PCDHGB4: variants seen among roughly 807,000 people sequenced by gnomAD.
PCDHGB4 encodes protocadherin gamma subfamily B, 4.
PCDHGB4 carries 38 observed loss-of-function variants against 60.5 expected under a neutral mutation model. That is an observed-to-expected ratio of 0.63 (90% CI 0.48 to 0.82). The LOEUF is 0.82. Among genes scored for constraint, PCDHGB4 ranks in the 40% least tolerant of loss-of-function variants. The pLI is 0.00. For missense variants in PCDHGB4, 1,109 were observed against 1,209.6 expected, an observed-to-expected ratio of 0.92 and a Z score of 1.23; for synonymous variants, 456 against 509.7, an observed-to-expected ratio of 0.89 and a Z score of 1.42.
Position 141,477,161 on chromosome 5 carries a change from G to A in PCDHGB4, c.2398-17646G>A, listed in dbSNP as rs761453939. On this transcript the variant is annotated intron_variant, in intron 1 of 3. Transcript: ENST00000519479. The surrounding 1 kb of genome is among the most constrained non-coding windows in gnomAD (Gnocchi z 4.9). ...GGAGGTTGTGGATGTGAATGACAAC[G>A]CCCCGGAGATCACAGTCACCTCCGT... 1.9e-6 allele frequency: 3 copies of A among 1,613,988 alleles called. No individual in the cohort carries two copies. The highest frequency in any genetic ancestry group is 2.7e-5 in the African/African-American group (2 of 74,904).
Position 141,409,903 on chromosome 5 carries a change from G to C in PCDHGB4, c.2397+19622G>C, listed in dbSNP as rs570063514. 6.2e-6 allele frequency: 10 copies of C among 1,613,268 alleles called. No individual in the cohort carries two copies. The South Asian group carries it at 9.9e-5, about 16-fold the overall frequency. ...CACCGCGGGTGCTGTACCCAGCTCTGGGTCCTGACGGCTCCGCGTTCTTCG... is the reference window on the plus strand; with the variant it reads ...CACCGCGGGTGCTGTACCCAGCTCTCGGTCCTGACGGCTCCGCGTTCTTCG... On this transcript the variant is annotated intron_variant, in intron 1 of 3. Coordinates refer to ENST00000519479, the MANE Select transcript of PCDHGB4 (RefSeq NM_003736.4).
At position 141,388,500 on chromosome 5, in the gene PCDHGB4, A is replaced by T; in HGVS notation, c.616A>T (p.Lys206Ter). The T allele has an allele frequency of 6.2e-7, 1 of 1,613,860 alleles. No homozygotes were observed. The highest frequency in any genetic ancestry group is 8.5e-7 in the Non-Finnish European group (1 of 1,179,892). Residue 206 changes from lysine to a stop codon, truncating the protein, a stop_gained, in exon 1 of 4, where the codon AAA becomes TAA. Transcript: ENST00000519479. LOFTEE classifies it high-confidence loss of function. ...GACACCTTTGGACAGAGAAAAGCAG[A>T]AATCCTACCACTTGACTTTGACTGC... ...LKTPLDREKQ[K>*]SYHLTLTALD...
At chr5:141,408,844 C>G (rs1359968983) in intron 1 of PCDHGB4, 1 of 1,613,634 alleles carries the variant, frequency 6.2e-7, no homozygotes, top group South Asian at 1.1e-5. Context: ...TATTGACTGC[C>G]TTGGACGGAG....
Position 141,431,485 on chromosome 5 carries a change from T to G in PCDHGB4, c.2397+41204T>G. 2 of 1,613,924 alleles carry G rather than the reference T, an allele frequency of 1.2e-6. No individual in the cohort carries two copies. Among genetic ancestry groups the G allele is most frequent in the Non-Finnish European group, 1.7e-6 (2 of 1,179,990 alleles). ...ATGCGAACGACAACGCACCAGCGTTTGCTCAGCCCGAGTACCGCGCGAGCG... is the reference window on the plus strand; with the variant it reads ...ATGCGAACGACAACGCACCAGCGTTGGCTCAGCCCGAGTACCGCGCGAGCG... On this transcript the variant is annotated intron_variant, in intron 1 of 3. Coordinates refer to ENST00000519479, the MANE Select transcript of PCDHGB4 (RefSeq NM_003736.4). This position sits in a 1 kb window ranked among gnomAD's most constrained non-coding sequence, Gnocchi z 4.8.
At chr5:141,506,231 A>G (rs1453468632) in intron 3 of PCDHGB4, among the ~76,000 whole-genome samples, 4 of 152,082 alleles carry the variant, frequency 2.6e-5, no homozygotes, top group African/African-American at 4.8e-5. Context: ...CAGGAGGATC[A>G]TGAGGTCAGG....
At position 141,489,963 on chromosome 5, in the gene PCDHGB4, C is replaced by A. The variant is rs779260164; in HGVS notation, c.2398-4844C>A. On this transcript the variant is annotated intron_variant, in intron 1 of 3. Coordinates refer to ENST00000519479, the MANE Select transcript of PCDHGB4 (RefSeq NM_003736.4). This position sits in a 1 kb window ranked among gnomAD's most constrained non-coding sequence, Gnocchi z 4.5. Reference sequence around the variant, plus strand: ...TGGACATCAATGATAATGCTCCAACCTTCCAATCCTCAGTTCTACGTGTGG... The same window carrying A: ...TGGACATCAATGATAATGCTCCAACATTCCAATCCTCAGTTCTACGTGTGG... The A allele has an allele frequency of 8.1e-6, 13 of 1,614,184 alleles. No homozygotes were observed. In the East Asian group the frequency reaches 2.2e-4, roughly 28 times the overall value.
At chr5:141,460,981 GTGTATA>G (rs1450537646) in intron 1 of PCDHGB4, among the ~76,000 whole-genome samples, 10 of 121,882 alleles carry the variant, frequency 8.2e-5, no homozygotes, top group African/African-American at 3.1e-4. Flanking sequence ...GTGTGTGTGT[GTGTATA>G]TATATATATG....
chr5:141,415,461 T>C, intron 1 of PCDHGB4: 5 of 1,614,180 alleles, frequency 3.1e-6, no homozygotes, highest in Non-Finnish European at 4.2e-6. Context: ...ACGAGGTCTC[T>C]CTCACCGCGG....
At chr5:141,443,467 C>T (rs2098389901) in intron 1 of PCDHGB4, among the ~76,000 whole-genome samples, 2 of 152,156 alleles carry the variant, frequency 1.3e-5, no homozygotes, top group African/African-American at 4.8e-5. Context: ...GTCTGGGTGA[C>T]AGAATTAGAC....
Position 141,489,592 on chromosome 5 carries a change from C to T in PCDHGB4, c.2398-5215C>T, listed in dbSNP as rs747085985. 1.3e-5 allele frequency: 21 copies of T among 1,613,928 alleles called. No individual in the cohort carries two copies. The East Asian group carries it at 1.6e-4, about 12-fold the overall frequency. ...GACTGAACACCCCCTGGAGCTAATC[C>T]GTGTAGAGGTAGAGATCCTGGATCT... is the stretch of plus-strand genomic sequence containing the variant. On this transcript the variant is annotated intron_variant, in intron 1 of 3. Transcript: ENST00000519479. This position sits in a 1 kb window ranked among gnomAD's most constrained non-coding sequence, Gnocchi z 4.5.
chr5:141,419,481 C>T (rs2096389716), intron 1 of PCDHGB4: 1 of 1,612,422 alleles, frequency 6.2e-7, no homozygotes, highest in East Asian at 2.2e-5. Flanking sequence ...GGCTCGCCCG[C>T]GCTCAGCGCC....
At chr5:141,406,244 G>C (rs1214749681) in intron 1 of PCDHGB4, among the ~76,000 whole-genome samples, 1 of 151,936 alleles carries the variant, frequency 6.6e-6, no homozygotes, top group Non-Finnish European at 1.5e-5. Context: ...ATGTTGCCCA[G>C]ACTGGTCTCA....
Position 141,476,176 on chromosome 5 carries a change from G to C in PCDHGB4, c.2398-18631G>C, listed in dbSNP as rs778169270. 1 of 1,613,530 alleles carries C rather than the reference G, an allele frequency of 6.2e-7. No homozygotes were observed. The highest frequency in any genetic ancestry group is 8.5e-7 in the Non-Finnish European group (1 of 1,180,006). On this transcript the variant is annotated intron_variant, in intron 1 of 3. Transcript: ENST00000519479. The surrounding 1 kb of genome is among the most constrained non-coding windows in gnomAD (Gnocchi z 7.6). ...GCACCGGGAGGGTAGTGGGAGTTTT[G>C]CTTCTGCTTGGTGCCTTGAACAAGG...
rs1018097924 is a variant in PCDHGB4 at position 141,413,435 on chromosome 5, G to C, written c.2397+23154G>C. Reference sequence around the variant, plus strand: ...TTCTCTCTGAACCCGCGCAGCGGCAGCTTGATCACCGCGGGCAGGATAGAC... The same window carrying C: ...TTCTCTCTGAACCCGCGCAGCGGCACCTTGATCACCGCGGGCAGGATAGAC... On this transcript the variant is annotated intron_variant, in intron 1 of 3. Transcript: ENST00000519479. The C allele has an allele frequency of 6.2e-6, 10 of 1,614,004 alleles. No homozygotes were observed. The Admixed American group carries it at 1.7e-4, about 27-fold the overall frequency.
rs1156915249 is a variant in PCDHGB4, at chr5:141,426,840, G to C, written c.2397+36559G>C. 8.8e-6 allele frequency: 4 copies of C among 456,584 alleles called. No individual in the cohort carries two copies. In the East Asian group the frequency reaches 2.8e-4, roughly 32 times the overall value. The allele number at this position is 456,584 out of a possible 1,614,324, so 28.3% of individuals were successfully genotyped here. A position where few individuals can be genotyped will look rare whatever the true frequency, so the allele number is the denominator to read the frequency against. On this transcript the variant is annotated intron_variant, in intron 1 of 3. Transcript: ENST00000519479. Reference sequence around the variant, plus strand: ...CTCTCTGATGATGGACAAGACTAAAGGCAAGAACGCTCCAGAATTAGTGCT... The same window carrying C: ...CTCTCTGATGATGGACAAGACTAAACGCAAGAACGCTCCAGAATTAGTGCT...
chr5:141,431,228 G>C lies in PCDHGB4; in HGVS notation c.2397+40947G>C, dbSNP rs772199359. The stretch of plus-strand genomic sequence containing the variant: ...TGAGATGCGGTTCCCTCTACCCCAC[G>C]CCTGGGATCCGGATATCGGGAAGAA... On this transcript the variant is annotated intron_variant, in intron 1 of 3. Coordinates refer to ENST00000519479, the MANE Select transcript of PCDHGB4 (RefSeq NM_003736.4). The surrounding 1 kb of genome is among the most constrained non-coding windows in gnomAD (Gnocchi z 4.8). The C allele has an allele frequency of 1.9e-6, 3 of 1,614,000 alleles. No individual in the cohort carries two copies. The African/African-American group carries it at 4.0e-5, about 22-fold the overall frequency.
chr5:141,479,845 A>T (rs895639749), intron 1 of PCDHGB4, among the ~76,000 whole-genome samples: 4 of 152,210 alleles, frequency 2.6e-5, no homozygotes, highest in Admixed American at 1.3e-4. Flanking sequence ...ATGCAAGGTG[A>T]CTGCAAGGCC....
intron 1 of PCDHGB4, chr5:141,410,320 C>G (rs752279818): frequency 8.1e-6 from 13 of 1,613,880 alleles, no homozygotes; most frequent in African/African-American, 2.7e-5. Context: ...TCCTCCTCGC[C>G]GTGATTCTGG....
At chr5:141,420,699 C>T (rs2096518531) in intron 1 of PCDHGB4, among the ~76,000 whole-genome samples, 1 of 152,236 alleles carries the variant, frequency 6.6e-6, no homozygotes, top group African/African-American at 2.4e-5. Context: ...ATTATTTCCA[C>T]TTCCAGAAAT....
Sources: allele counts gnomAD v4.1 joint callset (sites outside exome capture counted in the v4.1 genomes callset), GRCh38; gene constraint gnomAD v4.1.1; non-coding constraint Gnocchi (gnomAD v3.1); transcripts MANE v1.5; gene names NCBI Gene and HGNC (gene_info 2026-07-23, HGNC 2026-07-21).